The following FER variants were observed in gnomAD, a reference collection of about 807,000 sequenced individuals.
FER encodes the protein FER tyrosine kinase, also known as tyrosine-protein kinase Fer.
A neutral mutation model predicts 111.0 loss-of-function variants in FER; 63 were observed. The observed-to-expected ratio is 0.57, with a 90% CI of 0.46 to 0.70. FER has a LOEUF of 0.70. Among genes scored for constraint, FER ranks in the 30% least tolerant of loss-of-function variants. The pLI is 0.00. For missense variants in FER, 914 were observed against 954.0 expected (o/e 0.96, Z 0.55); for synonymous variants, 327 against 313.9 (o/e 1.04, Z -0.44).
At chr5:109,164,075 G>A (rs2126757890) in intron 17 of FER, among the ~76,000 whole-genome samples, 1 of 152,276 alleles carries the variant, frequency 6.6e-6, no homozygotes, top group Middle Eastern at 3.4e-3. Flanking sequence ...TAAAAATAAT[G>A]TTTGAGATTA....
At chr5:108,980,978 G>GTGAGCACACGC (rs1761958625) in intron 13 of FER, among the ~76,000 whole-genome samples, 1 of 152,068 alleles carries the variant, frequency 6.6e-6, no homozygotes, top group Admixed American at 6.6e-5. Context: ...TAGAGAAGAA[G>GTGAGCACACGC]TGAGCACACG....
intron 17 of FER, among the ~76,000 whole-genome samples, chr5:109,153,584 ACT>A: frequency 6.6e-6 from 1 of 151,888 alleles, no homozygotes; most frequent in African/African-American, 2.4e-5. Context: ...ACTTCTTAAT[ACT>A]AACTCTATCA....
At chr5:108,862,444 GTGGTTTAAA>G (rs1189210577) in intron 5 of FER, among the ~76,000 whole-genome samples, 2 of 152,186 alleles carry the variant, frequency 1.3e-5, no homozygotes, top group Non-Finnish European at 2.9e-5. Flanking sequence ...GGACAGATGG[GTGGTTTAAA>G]TGGTTTAAAT....
chr5:109,194,456 T>C lies in FER; in HGVS notation c.*6881T>C, dbSNP rs1455727760. On this transcript the variant is annotated 3_prime_UTR_variant, in exon 20 of 20. Transcript: ENST00000281092. ...GAAAAGCCAAACACCACACCTATTT[T>C]CCTATTTGCTAAGAATCAGAATAAG... 2 of 152,188 alleles carry C rather than the reference T, an allele frequency of 1.3e-5. No homozygotes were observed. The highest frequency in any genetic ancestry group is 4.8e-5 in the African/African-American group (2 of 41,446). 9.4% of individuals were successfully genotyped at this position (152,188 alleles called of 1,614,324 possible).
intron 17 of FER, among the ~76,000 whole-genome samples, chr5:109,129,497 G>A (rs976520515): frequency 6.6e-5 from 10 of 151,790 alleles, no homozygotes; most frequent in Non-Finnish European, 1.2e-4. Context: ...TTATTTCACT[G>A]CTTTCTACTT....
At chr5:109,183,678 G>C (rs1324292472) in intron 18 of FER, among the ~76,000 whole-genome samples, 1 of 152,088 alleles carries the variant, frequency 6.6e-6, no homozygotes, top group Non-Finnish European at 1.5e-5. Context: ...TCCAGTCCAA[G>C]GAACCTCTCT....
intron 17 of FER, among the ~76,000 whole-genome samples, chr5:109,110,746 C>T (rs1345086902): frequency 6.6e-6 from 1 of 151,848 alleles, no homozygotes; most frequent in African/African-American, 2.4e-5. Flanking sequence ...TGTGCTGCAC[C>T]CATTAACTCG....
chr5:108,787,292 T>C (rs1233374299), intron 2 of FER, among the ~76,000 whole-genome samples: 1 of 152,142 alleles, frequency 6.6e-6, no homozygotes, highest in Non-Finnish European at 1.5e-5. Context: ...TCGTCCCCTC[T>C]GGACTTTGGG....
chr5:109,134,617 T>C (rs1752702480), intron 17 of FER, among the ~76,000 whole-genome samples: 1 of 152,184 alleles, frequency 6.6e-6, no homozygotes, highest in Non-Finnish European at 1.5e-5. Context: ...TACAACCAGC[T>C]AGTGACTGAT....
intron 2 of FER, among the ~76,000 whole-genome samples, chr5:108,770,351 A>G (rs995919960): frequency 2.6e-5 from 4 of 152,228 alleles, no homozygotes; most frequent in East Asian, 1.9e-4. Flanking sequence ...TTTTAAGTCT[A>G]CTATCCCTTG....
chr5:108,785,564 C>A, intron 2 of FER: 3 of 497,942 alleles, frequency 6.0e-6, no homozygotes, highest in East Asian at 5.1e-5. Flanking sequence ...AAGTTTATGG[C>A]AGAGCTTTAG....
intron 3 of FER, among the ~76,000 whole-genome samples, chr5:108,804,135 T>G (rs1218082812): frequency 2.0e-5 from 3 of 152,212 alleles, no homozygotes; most frequent in Non-Finnish European, 4.4e-5. Context: ...GGCTATCAGC[T>G]TGAATGTTAT....
intron 13 of FER, among the ~76,000 whole-genome samples, chr5:108,980,267 A>C (rs1412605795): frequency 1.3e-5 from 2 of 152,098 alleles, no homozygotes; most frequent in African/African-American, 2.4e-5. Flanking sequence ...TCTATGTATA[A>C]ATTTATACTG....
At chr5:108,829,959 G>T (rs977970320) in intron 3 of FER, among the ~76,000 whole-genome samples, 1 of 152,180 alleles carries the variant, frequency 6.6e-6, no homozygotes, top group Non-Finnish European at 1.5e-5. Context: ...CTAAAGGAAG[G>T]TATGGAGCTT....
intron 16 of FER, among the ~76,000 whole-genome samples, chr5:109,059,555 G>A (rs72790601): frequency 0.028 from 4,258 of 152,106 alleles, 87 homozygotes; most frequent in Middle Eastern, 0.11. Flanking sequence ...AAACAATTAT[G>A]GGATCTCTGT....
rs368689802 is a variant in FER at position 109,040,388 on chromosome 5, A to G, written c.1713+2910A>G. Among the ~76,000 whole-genome samples the G allele has an allele frequency of 5.9e-5, 9 of 152,246 alleles. No homozygotes were observed. In the South Asian group the frequency reaches 1.7e-3, roughly 28 times the overall value. On this transcript the variant is annotated intron_variant, in intron 14 of 19. Transcript: ENST00000281092. ...AGAAGCAATCCCCAAAGAAGGTTGA[A>G]AAGAGCAGCCAAGTAGGAGGCAGAA...
chr5:108,954,465 A>G (rs1758164129), intron 11 of FER, among the ~76,000 whole-genome samples: 1 of 152,084 alleles, frequency 6.6e-6, no homozygotes, highest in Non-Finnish European at 1.5e-5. Flanking sequence ...GGACATGGTG[A>G]ATAAGATTAT....
chr5:108,953,494 G>C (rs1227056300), intron 11 of FER, among the ~76,000 whole-genome samples: 1 of 152,150 alleles, frequency 6.6e-6, no homozygotes, highest in East Asian at 1.9e-4. Flanking sequence ...CTTGAGGTCT[G>C]TTTGGGACTT....
chr5:108,952,637 T>C (rs1054735935), intron 11 of FER, among the ~76,000 whole-genome samples: 1 of 149,578 alleles, frequency 6.7e-6, no homozygotes, highest in African/African-American at 2.4e-5. Context: ...CTTTATGAGA[T>C]AGCAATATAA....
Sources: gnomAD v4.1 joint callset for allele counts (sites outside exome capture counted in the v4.1 genomes callset) on GRCh38, gnomAD v4.1.1 for gene constraint, MANE v1.5 for transcripts, NCBI Gene and HGNC (gene_info 2026-07-23, HGNC 2026-07-21) for gene names.